The following RNASEH2B variants were observed in gnomAD, a reference collection of about 807,000 sequenced individuals.
The protein encoded by RNASEH2B is ribonuclease H2 subunit B.
A neutral mutation model predicts 45.0 loss-of-function variants in RNASEH2B; 36 were observed. The observed-to-expected ratio is 0.80, with a 90% CI of 0.61 to 1.06. The LOEUF is 1.06. Ranked by LOEUF, RNASEH2B falls within the 50% of genes least tolerant of loss-of-function variation. RNASEH2B has a pLI of 0.00. For synonymous variants in RNASEH2B, 119 were observed against 125.7 expected (o/e 0.95, Z 0.35); for missense variants, 361 against 360.3 (o/e 1.00, Z -0.02).
At position 50,930,725 on chromosome 13, in the gene RNASEH2B, T is replaced by A. The variant is rs1176280138; in HGVS notation, c.287T>A (p.Leu96Gln). Residue 96 changes from leucine (L) to glutamine (Q), a missense_variant, in exon 4 of 11, where the codon CTG becomes CAG. Coordinates refer to ENST00000336617, the MANE Select transcript of RNASEH2B (RefSeq NM_024570.4). ...HFATPVDPLF[L>Q]LLHYLIKADK... ...GCCACACCTGTGGATCCTCTATTTC[T>A]GCTTCTCCACTACCTCATAAAGGCT... 6.2e-7 allele frequency: 1 copy of A among 1,613,976 alleles called. No homozygotes were observed. The highest frequency in any genetic ancestry group is 8.5e-7 in the Non-Finnish European group (1 of 1,179,794).
intron 6 of RNASEH2B, among the ~76,000 whole-genome samples, chr13:50,944,388 T>C (rs751643830): frequency 5.9e-5 from 9 of 151,678 alleles, no homozygotes; most frequent in Non-Finnish European, 1.2e-4. Context: ...CTCTCATAAG[T>C]GGGAGTTGAA....
chr13:50,953,632 C>G, intron 9 of RNASEH2B: 1 of 496,600 alleles, frequency 2.0e-6, no homozygotes, highest in Non-Finnish European at 3.6e-6. Context: ...ACCTACAAAG[C>G]CTGTGTTTGC....
At chr13:50,919,649 C>CT (rs1951491410) in intron 1 of RNASEH2B, among the ~76,000 whole-genome samples, 1 of 152,108 alleles carries the variant, frequency 6.6e-6, no homozygotes, top group African/African-American at 2.4e-5. Context: ...GCAGTTTGTG[C>CT]TTTTTAAGTT....
chr13:50,928,042 T>C (rs1382529818), intron 2 of RNASEH2B, among the ~76,000 whole-genome samples: 2 of 152,122 alleles, frequency 1.3e-5, no homozygotes, highest in Non-Finnish European at 2.9e-5. Flanking sequence ...TCATATCTTA[T>C]TGGAAAAATT....
chr13:50,910,210 C>G, intron 1 of RNASEH2B, 70 bp downstream of exon 1: 1 of 1,152,568 alleles, frequency 8.7e-7, no homozygotes, highest in Non-Finnish European at 1.1e-6. Flanking sequence ...CCCGGGCGCG[C>G]CGCCCCCCAC....
intron 5 of RNASEH2B, chr13:50,938,134 G>C (rs1049903878): frequency 1.3e-5 from 2 of 152,098 alleles, no homozygotes; most frequent in Non-Finnish European, 2.9e-5. Flanking sequence ...TACTGACATT[G>C]AACAATTGGA....
At chr13:50,943,153 A>G (rs989495791) in intron 5 of RNASEH2B, 168 bp from the exon 6 acceptor site, 5 of 598,192 alleles carry the variant, frequency 8.4e-6, no homozygotes, top group African/African-American at 1.9e-5. Flanking sequence ...CCACATTACT[A>G]CTAACATTTA....
intron 1 of RNASEH2B, among the ~76,000 whole-genome samples, chr13:50,917,150 G>A (rs1029696233): frequency 3.3e-5 from 5 of 152,172 alleles, no homozygotes; most frequent in African/African-American, 7.2e-5. Flanking sequence ...TAGCCAGGGA[G>A]GGGCAGGCTG....
intron 2 of RNASEH2B, among the ~76,000 whole-genome samples, chr13:50,929,010 C>G (rs1348270961): frequency 6.9e-6 from 1 of 144,418 alleles, no homozygotes; most frequent in Non-Finnish European, 1.5e-5. Flanking sequence ...GCTTTACTCA[C>G]TCCCTATGGC....
intron 5 of RNASEH2B, among the ~76,000 whole-genome samples, chr13:50,940,518 C>A (rs550395589): frequency 6.6e-6 from 1 of 152,264 alleles, no homozygotes; most frequent in East Asian, 1.9e-4. Context: ...ATATTGGCTC[C>A]TTTTCTCTCT....
intron 4 of RNASEH2B, among the ~76,000 whole-genome samples, chr13:50,932,270 CAGG>C (rs1007735002): frequency 1.3e-5 from 2 of 152,172 alleles, no homozygotes; most frequent in African/African-American, 4.8e-5. Context: ...CAGCCAGCCC[CAGG>C]AGAACATGCT....
chr13:50,937,302 G>T (rs1304259473), intron 5 of RNASEH2B: 2 of 152,190 alleles, frequency 1.3e-5, no homozygotes, highest in East Asian at 3.9e-4. Flanking sequence ...GCTCACTGCA[G>T]CCTCAATCTC....
At chr13:50,958,118 A>G (rs1022887008), downstream of RNASEH2B, among the ~76,000 whole-genome samples, 5 of 151,970 alleles carry the variant, frequency 3.3e-5, no homozygotes, top group Non-Finnish European at 7.4e-5. Context: ...GTCAATTTTT[A>G]TTTTTGTTGC....
At position 50,956,480 on chromosome 13, in the gene RNASEH2B, T is replaced by A; in HGVS notation, c.*6T>A. ...AAAAAATTGGAAAGGTTTGAAACTT[T>A]GAAAATAAAATCTAGCAAAAATATT... On this transcript the variant is annotated 3_prime_UTR_variant, in exon 11 of 11. Transcript: ENST00000336617. 1 of 1,593,856 alleles carries A rather than the reference T, an allele frequency of 6.3e-7. No individual in the cohort carries two copies. Among genetic ancestry groups the A allele is most frequent in the East Asian group, 2.3e-5 (1 of 44,438 alleles).
intron 7 of RNASEH2B, among the ~76,000 whole-genome samples, chr13:50,946,450 G>A (rs1951901739): frequency 6.6e-6 from 1 of 152,174 alleles, no homozygotes; most frequent in Non-Finnish European, 1.5e-5. Flanking sequence ...GGGAGTGGTG[G>A]ACAGCACCTT....
exon 10 of RNASEH2B, chr13:50,970,064 A>C: frequency 1.9e-6 from 2 of 1,039,308 alleles, no homozygotes; most frequent in African/African-American, 1.6e-5. Flanking sequence ...GAAAATCGCC[A>C]GGTGCCAAAA....
Position 50,953,958 on chromosome 13 carries a change from T to G in RNASEH2B, c.795T>G (p.Phe265Leu), listed in dbSNP as rs1952009604. The G allele has an allele frequency of 2.5e-6, 4 of 1,606,218 alleles. No homozygotes were observed. The highest frequency in any genetic ancestry group is 3.4e-6 in the Non-Finnish European group (4 of 1,172,896). The change falls in exon 10 of 11, where the codon TTT becomes TTG. Residue 265 changes from phenylalanine (F) to leucine (L), a missense_variant. By Grantham distance (22) the Phe-to-Leu change is conservative. Transcript: ENST00000336617. ...PVEAKEDYTKFNTKDLKTEKK... is the reference protein window; with the variant it reads ...PVEAKEDYTKLNTKDLKTEKK... ...AAGCAAAAGAAGATTACACTAAGTT[T>G]AATACTAAAGATTTGAAGACTGAAA... is the stretch of plus-strand genomic sequence containing the variant.
In RNASEH2B at chr13:50,956,397, A is replaced by C; in HGVS notation, c.862A>C (p.Lys288Gln). Residue 288 changes from lysine (K) to glutamine (Q), a missense_variant, in exon 11 of 11, where the codon AAA becomes CAA. Physicochemically the swap from Lys to Gln is moderately conservative, Grantham distance 53. Transcript: ENST00000336617. Reference protein sequence around the residue: ...KMTAAQKALAKVDKSGMKSID... With the variant: ...KMTAAQKALAQVDKSGMKSID... ...GACTGCAGCTCAGAAGGCTTTGGCT[A>C]AAGTTGACAAGAGTGGAATGAAAAG... is the stretch of plus-strand genomic sequence containing the variant. 1.2e-6 allele frequency: 2 copies of C among 1,603,882 alleles called. No individual in the cohort carries two copies. The highest frequency in any genetic ancestry group is 1.7e-6 in the Non-Finnish European group (2 of 1,173,478).
At position 50,913,659 on chromosome 13, in the gene RNASEH2B, A is replaced by T. The variant is rs182252613; in HGVS notation, c.64+3519A>T. Among the ~76,000 whole-genome samples, 15 of 152,330 alleles carry T rather than the reference A, an allele frequency of 9.8e-5. No homozygotes were observed. In the South Asian group the frequency reaches 1.7e-3, roughly 17 times the overall value. ...TAGAGACAAGTTTTGCAATAAAGTT[A>T]TCCCCCTTTATTTCATGAATATACA... On this transcript the variant is annotated intron_variant, in intron 1 of 10. Coordinates refer to ENST00000336617, the MANE Select transcript of RNASEH2B (RefSeq NM_024570.4).
Sources: gnomAD v4.1 joint callset for allele counts (sites outside exome capture counted in the v4.1 genomes callset) on GRCh38, gnomAD v4.1.1 for gene constraint, MANE v1.5 for transcripts, NCBI Gene and HGNC (gene_info 2026-07-23, HGNC 2026-07-21) for gene names.